Variants in NAALADL2 observed in about 807,000 individuals in gnomAD.
The protein encoded by NAALADL2 is inactive N-acetylated-alpha-linked acidic dipeptidase-like protein 2.
Under a neutral mutation model 87.2 loss-of-function variants are expected in NAALADL2, and 76 were observed. That is an observed-to-expected ratio of 0.87 (90% CI 0.72 to 1.05). The LOEUF (loss-of-function observed/expected upper bound fraction) is 1.05. Ranked by LOEUF, NAALADL2 falls within the 50% of genes least tolerant of loss-of-function variation. The probability of loss-of-function intolerance (pLI) is 0.00; values close to 1 mark genes in which losing one functional copy is unlikely to be tolerated. For synonymous variants in NAALADL2, 354 were observed against 331.0 expected (o/e 1.07, Z -0.75); for missense variants, 1,089 against 945.8 (o/e 1.15, Z -1.99).
chr3:174,802,630 C>A (rs998297648), intron 3 of NAALADL2, among the ~76,000 whole-genome samples: 11 of 152,136 alleles, frequency 7.2e-5, no homozygotes, highest in Non-Finnish European at 1.5e-4. Context: ...TATCCCTTCC[C>A]CAGCCCACCA....
intron 1 of NAALADL2, among the ~76,000 whole-genome samples, chr3:174,990,250 G>A (rs919372226): frequency 1.3e-5 from 2 of 152,086 alleles, no homozygotes; most frequent in African/African-American, 4.8e-5. Context: ...GGAAACCTAG[G>A]ATATTTTTGC....
In NAALADL2 at chr3:175,586,128, G is replaced by C. The variant is rs570642221; in HGVS notation, c.1800+9941G>C. 3.3e-5 allele frequency among the ~76,000 whole-genome samples: 5 copies of C among 152,234 alleles called. No individual in the cohort carries two copies. In the East Asian group the frequency reaches 5.8e-4, roughly 18 times the overall value. ...GGCCATGAATGAATTTCCACGCCCT[G>C]TTCTTGAATCTCCACAACTTAATCT... On this transcript the variant is annotated intron_variant, in intron 10 of 13. Coordinates refer to ENST00000454872, the MANE Select transcript of NAALADL2 (RefSeq NM_207015.3).
At chr3:175,772,489 C>T (rs1749630286) in intron 13 of NAALADL2, among the ~76,000 whole-genome samples, 1 of 152,176 alleles carries the variant, frequency 6.6e-6, no homozygotes, top group Non-Finnish European at 1.5e-5. Flanking sequence ...CCCTAACAAG[C>T]TTCTTCACCT....
chr3:174,691,708 A>G (rs1728600093), intron 2 of NAALADL2, among the ~76,000 whole-genome samples: 1 of 152,218 alleles, frequency 6.6e-6, no homozygotes, highest in South Asian at 2.1e-4. Context: ...ATTTCTCTAA[A>G]TACTGGAGTC....
chr3:174,493,559 G>C (rs1161149865), intron 1 of NAALADL2, among the ~76,000 whole-genome samples: 1 of 152,122 alleles, frequency 6.6e-6, no homozygotes, highest in East Asian at 1.9e-4. Context: ...CACAGTCTGT[G>C]GTAGTTTGTT....
chr3:174,592,477 G>C (rs971671426), intron 2 of NAALADL2, among the ~76,000 whole-genome samples: 1 of 152,072 alleles, frequency 6.6e-6, no homozygotes, highest in Non-Finnish European at 1.5e-5. Context: ...TCAGTAGTTA[G>C]GTAAGGATTG....
At chr3:174,512,343 T>C (rs1043269566) in intron 1 of NAALADL2, among the ~76,000 whole-genome samples, 1 of 152,154 alleles carries the variant, frequency 6.6e-6, no homozygotes, top group African/African-American at 2.4e-5. Flanking sequence ...TTGTAGATGA[T>C]ATGTCTTTTT....
At chr3:174,767,697 C>A (rs920234489) in intron 3 of NAALADL2, among the ~76,000 whole-genome samples, 2 of 152,206 alleles carry the variant, frequency 1.3e-5, no homozygotes, top group African/African-American at 4.8e-5. Context: ...TGAACTTTCT[C>A]TTGGAGCTTT....
chr3:175,373,949 C>T (rs963029708), intron 5 of NAALADL2, among the ~76,000 whole-genome samples: 10 of 151,992 alleles, frequency 6.6e-5, no homozygotes, highest in African/African-American at 7.3e-5. Context: ...CTTAGTATAT[C>T]TTTTTATGGA....
At chr3:174,713,957 C>T (rs1247910156) in intron 2 of NAALADL2, among the ~76,000 whole-genome samples, 1 of 151,944 alleles carries the variant, frequency 6.6e-6, no homozygotes, top group East Asian at 1.9e-4. Context: ...GTCTTTAATC[C>T]ATCTTGAATT....
intron 2 of NAALADL2, among the ~76,000 whole-genome samples, chr3:174,716,372 G>C (rs1428854833): frequency 6.6e-6 from 1 of 151,980 alleles, no homozygotes; most frequent in Non-Finnish European, 1.5e-5. Context: ...CCACCAAAGA[G>C]GGCTAGTCTC....
intron 1 of NAALADL2, among the ~76,000 whole-genome samples, chr3:174,443,970 C>T (rs577275438): frequency 3.3e-5 from 5 of 151,890 alleles, no homozygotes; most frequent in African/African-American, 7.2e-5. Context: ...AGTAGAAAGA[C>T]ATTGAAGAAG....
chr3:174,986,315 A>G (rs1335923429), intron 1 of NAALADL2, among the ~76,000 whole-genome samples: 3 of 148,156 alleles, frequency 2.0e-5, no homozygotes, highest in East Asian at 3.9e-4. Flanking sequence ...TATACACAAT[A>G]TATATATACA....
At chr3:175,255,580 T>C (rs1052520673) in intron 3 of NAALADL2, among the ~76,000 whole-genome samples, 2 of 152,184 alleles carry the variant, frequency 1.3e-5, no homozygotes, top group Admixed American at 6.6e-5. Context: ...TAAATAGATA[T>C]TACAGAGAGT....
chr3:174,964,222 G>A (rs1027447737), intron 1 of NAALADL2, among the ~76,000 whole-genome samples: 2 of 151,972 alleles, frequency 1.3e-5, no homozygotes, highest in Non-Finnish European at 2.9e-5. Context: ...ACCTAGCGCT[G>A]GTATGGAAAA....
At chr3:174,711,684 GTGTT>G (rs1357518376) in intron 2 of NAALADL2, among the ~76,000 whole-genome samples, 7 of 152,234 alleles carry the variant, frequency 4.6e-5, no homozygotes, top group African/African-American at 1.2e-4. Flanking sequence ...TCCAGACTAT[GTGTT>G]TGTTTGTTGG....
rs1418493244 is a variant in NAALADL2 at position 175,253,414 on chromosome 3, GA to G, written c.820-2990del. Among the ~76,000 whole-genome samples the G allele has an allele frequency of 2.6e-5, 4 of 152,046 alleles. No homozygotes were observed. In the East Asian group the frequency reaches 5.8e-4, roughly 22 times the overall value. On this transcript the variant is annotated intron_variant, in intron 3 of 13. Transcript: ENST00000454872. Reference sequence around the variant, plus strand: ...CCTCACTGTTGAGACCTACTGCTCTGAAAAAAAGATTCCTTTCAAAAAATTA... The same window carrying G: ...CCTCACTGTTGAGACCTACTGCTCTGAAAAAAGATTCCTTTCAAAAAATTA...
chr3:174,881,803 G>A lies in NAALADL2; in HGVS notation c.43+22353G>A, dbSNP rs566164055. On this transcript the variant is annotated intron_variant, in intron 1 of 13. Coordinates refer to ENST00000454872, the MANE Select transcript of NAALADL2 (RefSeq NM_207015.3). The stretch of plus-strand genomic sequence containing the variant: ...TCAGGAACATTCTCTAGAAATCTGG[G>A]TCGGATAAGTATGTGCAGAGAACAA... Among the ~76,000 whole-genome samples, 3 of 152,198 alleles carry A rather than the reference G, an allele frequency of 2.0e-5. No individual in the cohort carries two copies. In the South Asian group the frequency reaches 6.2e-4, roughly 32 times the overall value.
At chr3:175,079,267 A>G (rs1315329358) in intron 1 of NAALADL2, 1 of 152,148 alleles carries the variant, frequency 6.6e-6, no homozygotes, top group Non-Finnish European at 1.5e-5. Flanking sequence ...GTCATTTTTT[A>G]AATTGGATTG....
Sources: allele counts gnomAD v4.1 joint callset (sites outside exome capture counted in the v4.1 genomes callset), GRCh38; gene constraint gnomAD v4.1.1; transcripts MANE v1.5; gene names NCBI Gene and HGNC (gene_info 2026-07-23, HGNC 2026-07-21).